Variants in BPIFB4 observed in about 807,000 individuals in gnomAD.
BPIFB4 encodes BPI fold containing family B member 4.
A neutral mutation model predicts 69.2 loss-of-function variants in BPIFB4; 62 were observed. The observed-to-expected ratio is 0.90, with a 90% confidence interval of 0.73 to 1.11. The LOEUF is 1.11. BPIFB4 is among the 50% of genes least tolerant of loss of function. The pLI is 0.00. For synonymous variants in BPIFB4, 330 were observed against 332.7 expected (o/e 0.99, Z 0.09); for missense variants, 789 against 792.0 (o/e 1.00, Z 0.04).
rs116083035 is a variant in BPIFB4 at position 33,107,961 on chromosome 20, C to T, written c.1821+141C>T. 1,753 of 718,600 alleles carry T rather than the reference C, an allele frequency of 2.4e-3. 16 individuals are homozygous for T. The highest frequency in any genetic ancestry group is 0.022 in the African/African-American group (1,236 of 56,950). 44.5% of individuals were successfully genotyped at this position (718,600 alleles called of 1,614,324 possible). A position where few individuals can be genotyped will look rare whatever the true frequency, so the allele number is the denominator to read the frequency against. On this transcript the variant is annotated intron_variant, in intron 17 of 17. Coordinates refer to ENST00000375483, the MANE Select transcript of BPIFB4 (RefSeq NM_182519.3). ...GAAACAGGGTCCTCTTCCTTCCAAGCATGGGGCTGAGGGAACAAGGAGCAG... is the reference window on the plus strand; with the variant it reads ...GAAACAGGGTCCTCTTCCTTCCAAGTATGGGGCTGAGGGAACAAGGAGCAG...
intron 14 of BPIFB4, 112 bp from the exon 15 acceptor site, chr20:33,102,860 G>A (rs909905524): frequency 9.3e-7 from 1 of 1,072,456 alleles, no homozygotes; most frequent in Middle Eastern, 2.0e-4. Context: ...CCCTGCAGGT[G>A]GAGAGTGATC....
At chr20:33,101,375 C>G (rs1981904229) in intron 14 of BPIFB4, among the ~76,000 whole-genome samples, 1 of 152,160 alleles carries the variant, frequency 6.6e-6, no homozygotes, top group Admixed American at 6.5e-5. Flanking sequence ...GATGTGACCA[C>G]TGACTGACTG....
intron 11 of BPIFB4, among the ~76,000 whole-genome samples, chr20:33,094,147 G>C (rs1981691779): frequency 6.6e-6 from 1 of 152,220 alleles, no homozygotes; most frequent in African/African-American, 2.4e-5. Flanking sequence ...TCCGTATATA[G>C]TTAGCCCTCT....
chr20:33,104,832 T>C lies in BPIFB4; in HGVS notation c.1703T>C (p.Val568Ala), dbSNP rs1297564545. ...CAGATTGGCCTCATGGAGGTGCTGG[T>C]GGAGAAGATTTTTGACCTGGCATTC... ...NFDIGLMEVL[V>A]EKIFDLAFMP... Residue 568 changes from valine (V) to alanine (A), a missense_variant, in exon 16 of 18, where the codon GTG becomes GCG. Transcript: ENST00000375483. 6.2e-7 allele frequency: 1 copy of C among 1,614,124 alleles called. No homozygotes were observed. Among genetic ancestry groups the C allele is most frequent in the Admixed American group, 1.7e-5 (1 of 60,000 alleles).
rs370609683 is a variant in BPIFB4 at position 33,088,879 on chromosome 20, C to T, written c.927-87C>T. On this transcript the variant is annotated intron_variant, in intron 7 of 17. Coordinates refer to ENST00000375483, the MANE Select transcript of BPIFB4 (RefSeq NM_182519.3). ...ACTCAGAGGTTCTCACTGTTCAGAG[C>T]CTGGACTAGTGACCCACAGGGTGGA... is the stretch of plus-strand genomic sequence containing the variant. 300 of 1,598,720 alleles carry T rather than the reference C, an allele frequency of 1.9e-4. No homozygotes were observed. In the African/African-American group the frequency reaches 2.9e-3, roughly 16 times the overall value.
chr20:33,090,830 G>C (rs1386997057), intron 10 of BPIFB4, 31 bp downstream of exon 10: 1 of 1,612,618 alleles, frequency 6.2e-7, no homozygotes, highest in Admixed American at 1.7e-5. Flanking sequence ...GCAAAGGGTG[G>C]TGGCCCTCCT....
chr20:33,080,808 T>G (rs546146029), intron 2 of BPIFB4, among the ~76,000 whole-genome samples: 13 of 152,076 alleles, frequency 8.5e-5, no homozygotes, highest in Non-Finnish European at 1.9e-4. Flanking sequence ...GTTGGATAGA[T>G]GGATGGGCAG....
intron 14 of BPIFB4, among the ~76,000 whole-genome samples, chr20:33,101,579 G>A (rs1006140362): frequency 2.0e-5 from 3 of 152,136 alleles, no homozygotes; most frequent in Admixed American, 6.5e-5. Context: ...TTTGAGCCAG[G>A]AGCTCGCTCT....
intron 11 of BPIFB4, among the ~76,000 whole-genome samples, chr20:33,092,884 A>G (rs867338571): frequency 6.6e-6 from 1 of 152,252 alleles, no homozygotes; most frequent in Non-Finnish European, 1.5e-5. Context: ...CACGATGAGA[A>G]AGTTGCTCCC....
At chr20:33,085,817 G>A (rs114738958) in intron 6 of BPIFB4, among the ~76,000 whole-genome samples, 36 of 152,346 alleles carry the variant, frequency 2.4e-4, no homozygotes, top group African/African-American at 8.4e-4. Flanking sequence ...CCTGTTCCCA[G>A]CCTTTGAAGC....
chr20:33,109,294 A>T (rs1312580886), intron 17 of BPIFB4, among the ~76,000 whole-genome samples: 1 of 125,044 alleles, frequency 8.0e-6, no homozygotes, highest in East Asian at 2.0e-4. Context: ...GTTTATCTTC[A>T]TCATCATCAT....
At chr20:33,106,818 C>G (rs1049705456) in intron 16 of BPIFB4, among the ~76,000 whole-genome samples, 3 of 152,118 alleles carry the variant, frequency 2.0e-5, no homozygotes, top group African/African-American at 7.2e-5. Context: ...TCTGAACAGT[C>G]TCAGAGAGGG....
In BPIFB4 at chr20:33,084,907, G is replaced by T. The variant is rs748113861; in HGVS notation, c.693G>T (p.Glu231Asp). Residue 231 changes from glutamate (E) to aspartate (D), a missense_variant, in exon 6 of 18, where the codon GAG becomes GAT. This residue lies in a region of BPIFB4 where 611 missense variants were observed against 575.4 expected (regional missense o/e 1.06). Transcript: ENST00000375483. ...TCCCGAGCAGGCTGCGTATCGTGGA[G>T]CTGACCCTCCCTCGGGTGTCCGTGC... ...VQGITGLRIV[E>D]LTLPRVSVRL... The T allele has an allele frequency of 1.2e-6, 2 of 1,608,766 alleles. No individual in the cohort carries two copies. Among genetic ancestry groups the T allele is most frequent in the Non-Finnish European group, 1.7e-6 (2 of 1,179,972 alleles).
intron 10 of BPIFB4, 22 bp downstream of exon 10, chr20:33,090,821 C>A (rs781058629): frequency 1.3e-5 from 21 of 1,613,454 alleles, no homozygotes; most frequent in Non-Finnish European, 1.7e-5. Flanking sequence ...GGGTTCAGGG[C>A]AAAGGGTGGT....
chr20:33,089,513 G>T lies in BPIFB4; in HGVS notation c.1006G>T (p.Asp336Tyr). ...VLPDLLCPIV[D>Y]VVLGLVNDQL... ...TCCCCTGCAGCTCTGCCCCATCGTG[G>T]ATGTGGTGCTGGGTCTTGTCAATGA... The change falls in exon 9 of 18, where the codon GAT (aspartate) becomes TAT (tyrosine). Residue 336 changes from aspartate to tyrosine, a missense_variant. Asp to Tyr is a radical substitution (Grantham distance 160). Transcript: ENST00000375483. 1 of 1,614,230 alleles carries T rather than the reference G, an allele frequency of 6.2e-7. No individual in the cohort carries two copies. The highest frequency in any genetic ancestry group is 8.5e-7 in the Non-Finnish European group (1 of 1,180,040).
intron 4 of BPIFB4, 92 bp downstream of exon 4, chr20:33,083,092 G>C: frequency 4.2e-6 from 5 of 1,196,094 alleles, no homozygotes; most frequent in South Asian, 2.7e-5. Context: ...GTCTCCTGGG[G>C]GGCCTGCTTG....
At chr20:33,086,667 CAG>C (rs758379191) in intron 7 of BPIFB4, among the ~76,000 whole-genome samples, 6 of 152,310 alleles carry the variant, frequency 3.9e-5, no homozygotes, top group Admixed American at 2.0e-4. Context: ...GTACGTCCAA[CAG>C]GGGTTGTGTG....
chr20:33,100,582 G>T, intron 14 of BPIFB4, 89 bp downstream of exon 14: 1 of 1,262,472 alleles, frequency 7.9e-7, no homozygotes, highest in Admixed American at 1.9e-5. Flanking sequence ...CTCCTGTGTG[G>T]CCATCAGGGC....
In BPIFB4 at chr20:33,083,554, A is replaced by G; in HGVS notation, c.357A>G (p.Arg119=). 3.7e-6 allele frequency: 6 copies of G among 1,614,042 alleles called. No homozygotes were observed. Among genetic ancestry groups the G allele is most frequent in the Non-Finnish European group, 5.1e-6 (6 of 1,179,966 alleles). Reference sequence around the variant, plus strand: ...CCGAGGGAAGCATCAGGGACCTCCGAAACAGTGGCTATCGCAGTGCCGAGA... The same window carrying G: ...CCGAGGGAAGCATCAGGGACCTCCGGAACAGTGGCTATCGCAGTGCCGAGA... ...LESEGSIRDL[R]NSGYRSAENA... Residue 119 remains arginine (R), a synonymous_variant, in exon 5 of 18, where the codon CGA becomes CGG. Transcript: ENST00000375483.
Sources: allele counts gnomAD v4.1 joint callset (sites outside exome capture counted in the v4.1 genomes callset), GRCh38; gene constraint gnomAD v4.1.1; regional missense constraint gnomAD v4.1.1; transcripts MANE v1.5; gene names NCBI Gene and HGNC (gene_info 2026-07-23, HGNC 2026-07-21).